PTPRD: variants seen among roughly 807,000 people sequenced by gnomAD.
PTPRD encodes the protein receptor-type tyrosine-protein phosphatase delta.
A neutral mutation model predicts 214.5 loss-of-function variants in PTPRD; 34 were observed. The observed-to-expected ratio is 0.16, with a 90% confidence interval of 0.12 to 0.21. PTPRD has a LOEUF of 0.21. PTPRD is among the 10% of genes least tolerant of loss of function. The pLI is 1.00. For synonymous variants in PTPRD, 1,128 were observed against 845.7 expected (o/e 1.33, Z -5.79); for missense variants, 2,545 against 2,398.7 (o/e 1.06, Z -1.27).
At chr9:8,408,633 T>C (rs2093253083) in intron 35 of PTPRD, among the ~76,000 whole-genome samples, 2 of 152,214 alleles carry the variant, frequency 1.3e-5, no homozygotes, top group South Asian at 4.1e-4. Flanking sequence ...CGTCGTATTT[T>C]TTGTGTCTCC....
intron 11 of PTPRD, among the ~76,000 whole-genome samples, chr9:9,015,408 C>T (rs537777234): frequency 8.5e-5 from 13 of 152,112 alleles, no homozygotes; most frequent in African/African-American, 2.2e-4. Flanking sequence ...CTCCCACCAG[C>T]GCCATGACAG....
At chr9:9,226,175 A>C (rs939986358) in intron 9 of PTPRD, among the ~76,000 whole-genome samples, 26 of 152,012 alleles carry the variant, frequency 1.7e-4, no homozygotes, top group African/African-American at 6.3e-4. Flanking sequence ...TGGTCATTTT[A>C]GATGGCTAGG....
chr9:9,076,621 T>A (rs1223271267), intron 10 of PTPRD, among the ~76,000 whole-genome samples: 2 of 152,088 alleles, frequency 1.3e-5, no homozygotes, highest in African/African-American at 4.8e-5. Context: ...TTGTTGCAAA[T>A]GACAGGATCT....
chr9:10,255,063 A>G (rs1381286134), intron 3 of PTPRD, among the ~76,000 whole-genome samples: 1 of 152,226 alleles, frequency 6.6e-6, no homozygotes, highest in Non-Finnish European at 1.5e-5. Context: ...GGAAGAGGAC[A>G]ATAACAACAA....
chr9:8,495,342 A>G (rs929940692), intron 26 of PTPRD, among the ~76,000 whole-genome samples: 6 of 152,120 alleles, frequency 3.9e-5, no homozygotes, highest in African/African-American at 1.2e-4. Context: ...GTTTTTGCCA[A>G]TTCTTCCTTT....
chr9:10,006,776 C>G (rs898576661), intron 4 of PTPRD, among the ~76,000 whole-genome samples: 2 of 151,904 alleles, frequency 1.3e-5, no homozygotes, highest in African/African-American at 4.8e-5. Context: ...GAATGCTGGT[C>G]AAAGACTTAC....
chr9:9,933,965 C>T (rs1388382654), intron 5 of PTPRD, among the ~76,000 whole-genome samples: 2 of 145,766 alleles, frequency 1.4e-5, no homozygotes, highest in South Asian at 4.3e-4. Context: ...GAACAACCTG[C>T]TCCTGAATGA....
rs1334290420 is a variant in PTPRD, at chr9:8,964,190, G to GTTTTTTTTTTTTTTTTTTTTTTTTTTTTT, written c.-104+54506_-104+54507insAAAAAAAAAAAAAAAAAAAAAAAAAAAAA. ...CTGTGAATCTATCTAGTTCAGGGCT[G>GTTTTTTTTTTTTTTTTTTTTTTTTTTTTT]TGTTTTTTTTTTTTTTTTTTTTTTT... On this transcript the variant is annotated intron_variant, in intron 11 of 45. Coordinates refer to ENST00000381196, the MANE Select transcript of PTPRD (RefSeq NM_002839.4). Among the ~76,000 whole-genome samples, 18 of 52,956 alleles carry GTTTTTTTTTTTTTTTTTTTTTTTTTTTTT rather than the reference G, an allele frequency of 3.4e-4. 2 individuals are homozygous for GTTTTTTTTTTTTTTTTTTTTTTTTTTTTT. The highest frequency in any genetic ancestry group is 1.3e-3 in the South Asian group (1 of 798). 34.7% of individuals were successfully genotyped at this position (52,956 alleles called of 152,430 possible).
intron 3 of PTPRD, among the ~76,000 whole-genome samples, chr9:10,223,711 A>ATAT: frequency 6.8e-6 from 1 of 147,976 alleles, no homozygotes; most frequent in Non-Finnish European, 1.5e-5. Flanking sequence ...AATAATAATA[A>ATAT]TAAAGTAGAG....
At chr9:9,591,438 CTGCCAACATCT>C (rs1343706858) in intron 7 of PTPRD, among the ~76,000 whole-genome samples, 2 of 152,022 alleles carry the variant, frequency 1.3e-5, no homozygotes, top group East Asian at 3.9e-4. Context: ...GAACACAACA[CTGCCAACATCT>C]TGATGTTGGC....
At chr9:9,310,647 G>A (rs987574928) in intron 9 of PTPRD, among the ~76,000 whole-genome samples, 1 of 152,076 alleles carries the variant, frequency 6.6e-6, no homozygotes, top group Non-Finnish European at 1.5e-5. Flanking sequence ...GCCAGGTGTG[G>A]TGGCTCGCGC....
chr9:8,420,765 G>C (rs1485123848), intron 35 of PTPRD, among the ~76,000 whole-genome samples: 1 of 151,264 alleles, frequency 6.6e-6, no homozygotes, highest in African/African-American at 2.4e-5. Context: ...TTTGCCCTCA[G>C]AGTTAGCTTT....
chr9:9,833,281 C>T (rs527548991), intron 5 of PTPRD, among the ~76,000 whole-genome samples: 34 of 151,930 alleles, frequency 2.2e-4, no homozygotes, highest in Middle Eastern at 3.4e-3. Context: ...GCTGGGCATC[C>T]GGGGGAAACA....
At chr9:10,451,384 A>G (rs1314240647) in intron 2 of PTPRD, among the ~76,000 whole-genome samples, 2 of 151,890 alleles carry the variant, frequency 1.3e-5, no homozygotes, top group Non-Finnish European at 2.9e-5. Context: ...GTTTTATATA[A>G]TAAAGTCAAT....
At chr9:9,514,405 A>G (rs1224107571) in intron 8 of PTPRD, among the ~76,000 whole-genome samples, 1 of 152,108 alleles carries the variant, frequency 6.6e-6, no homozygotes, top group African/African-American at 2.4e-5. Flanking sequence ...TGTGTAAAAC[A>G]CTAAACAGAA....
rs537103655 is a variant in PTPRD at position 9,703,448 on chromosome 9, A to G, written c.-287+31085T>C. Among the ~76,000 whole-genome samples the G allele has an allele frequency of 4.5e-4, 69 of 152,328 alleles. 1 individual carries two copies. Among genetic ancestry groups the G allele is most frequent in the Non-Finnish European group, 3.5e-4 (24 of 68,030 alleles). On this transcript the variant is annotated intron_variant, in intron 7 of 45. Transcript: ENST00000381196. Reference sequence around the variant, plus strand: ...GTAATCAAAGTGGGGTTTACATGGCAGAAACATTACATTCACCAGGAAGCT... The same window carrying G: ...GTAATCAAAGTGGGGTTTACATGGCGGAAACATTACATTCACCAGGAAGCT...
intron 14 of PTPRD, among the ~76,000 whole-genome samples, chr9:8,610,517 G>A (rs2095409961): frequency 1.3e-5 from 2 of 152,134 alleles, no homozygotes; most frequent in African/African-American, 4.8e-5. Flanking sequence ...TAAAAACCAA[G>A]GGCTGATGCT....
intron 2 of PTPRD, among the ~76,000 whole-genome samples, chr9:10,588,740 C>T (rs925355104): frequency 3.3e-5 from 5 of 151,848 alleles, no homozygotes; most frequent in South Asian, 4.1e-4. Context: ...ACTTAAAAGG[C>T]GATCTCTTCC....
At chr9:10,316,200 C>A (rs59180678) in intron 3 of PTPRD, among the ~76,000 whole-genome samples, 7,359 of 145,982 alleles carry the variant, frequency 0.05, 611 homozygotes, top group African/African-American at 0.18. Context: ...TATATAGACA[C>A]ACACACATAT....
Sources: gnomAD v4.1 joint callset for allele counts (sites outside exome capture counted in the v4.1 genomes callset) on GRCh38, gnomAD v4.1.1 for gene constraint, MANE v1.5 for transcripts, NCBI Gene and HGNC (gene_info 2026-07-23, HGNC 2026-07-21) for gene names.